Variants in CCDC180 observed in about 807,000 individuals in gnomAD.
CCDC180 encodes coiled-coil domain containing 180, also known as coiled-coil domain-containing protein 180.
CCDC180 carries 154 observed loss-of-function variants against 209.2 expected under a neutral mutation model. The observed-to-expected ratio is 0.74, with a 90% CI of 0.65 to 0.84. CCDC180 has a LOEUF of 0.84. Among genes scored for constraint, CCDC180 ranks in the 40% least tolerant of loss-of-function variants. The pLI is 0.00. For synonymous variants in CCDC180, 778 were observed against 749.1 expected (o/e 1.04, Z -0.63); for missense variants, 1,874 against 1,997.3 (o/e 0.94, Z 1.18).
At chr9:97,333,623 T>G (rs576765480) in intron 18 of CCDC180, among the ~76,000 whole-genome samples, 1 of 151,364 alleles carries the variant, frequency 6.6e-6, no homozygotes, top group East Asian at 1.9e-4. Flanking sequence ...TTGGGAGGTA[T>G]ATGTGTTCAT....
At chr9:97,346,341 G>A (rs1826261181) in intron 19 of CCDC180, among the ~76,000 whole-genome samples, 1 of 152,132 alleles carries the variant, frequency 6.6e-6, no homozygotes, top group Non-Finnish European at 1.5e-5. Flanking sequence ...GACATCTGCT[G>A]CGATGTTGTT....
chr9:97,312,207 C>G lies in CCDC180; in HGVS notation c.349+6C>G. On this transcript the variant is annotated splice_donor_region_variant and intron_variant, in intron 4 of 36. Transcript: ENST00000529487. Reference sequence around the variant, plus strand: ...GGGTCTCATGGATACTATAGGTGAGCCTCCATTCAGCCTCAAGGCAGGCCT... The same window carrying G: ...GGGTCTCATGGATACTATAGGTGAGGCTCCATTCAGCCTCAAGGCAGGCCT... 2 of 1,612,594 alleles carry G rather than the reference C, an allele frequency of 1.2e-6. No individual in the cohort carries two copies. Among genetic ancestry groups the G allele is most frequent in the Non-Finnish European group, 1.7e-6 (2 of 1,178,782 alleles).
chr9:97,307,951 T>C, intron 1 of CCDC180, 32 bp from the exon 2 acceptor site: 1 of 1,581,860 alleles, frequency 6.3e-7, no homozygotes, highest in Non-Finnish European at 8.6e-7. Flanking sequence ...GACCTGAACC[T>C]GAGTTTGGGA....
chr9:97,307,362 G>C, upstream of CCDC180: 1 of 497,518 alleles, frequency 2.0e-6, no homozygotes, highest in South Asian at 1.5e-5. Context: ...GGCCCTGGCT[G>C]CCTTGAGAGG....
Position 97,314,403 on chromosome 9 carries a change from C to A in CCDC180, c.470C>A (p.Pro157His), listed in dbSNP as rs760247803. ...EIAQVGKEME[P>H]LIVDTGGLFL... ...CCTGGCCTGTTGCAGGAAATGGAAC[C>A]TCTCATCGTGGACACAGGGGGACTT... The change falls in exon 6 of 37, where the codon CCT becomes CAT. Residue 157 changes from proline to histidine, a missense_variant. Pro to His is a moderately conservative substitution (Grantham distance 77). Coordinates refer to ENST00000529487, the MANE Select transcript of CCDC180 (RefSeq NM_020893.6). 6.2e-7 allele frequency: 1 copy of A among 1,614,162 alleles called. No homozygotes were observed. Among genetic ancestry groups the A allele is most frequent in the Non-Finnish European group, 8.5e-7 (1 of 1,180,032 alleles).
chr9:97,312,207 C>T lies in CCDC180; in HGVS notation c.349+6C>T. 1 of 1,612,594 alleles carries T rather than the reference C, an allele frequency of 6.2e-7. No homozygotes were observed. The highest frequency in any genetic ancestry group is 8.5e-7 in the Non-Finnish European group (1 of 1,178,782). On this transcript the variant is annotated splice_donor_region_variant and intron_variant, in intron 4 of 36. Transcript: ENST00000529487. ...GGGTCTCATGGATACTATAGGTGAGCCTCCATTCAGCCTCAAGGCAGGCCT... is the reference window on the plus strand; with the variant it reads ...GGGTCTCATGGATACTATAGGTGAGTCTCCATTCAGCCTCAAGGCAGGCCT...
chr9:97,315,616 CTG>C (rs1231642514), intron 8 of CCDC180, among the ~76,000 whole-genome samples: 1 of 152,350 alleles, frequency 6.6e-6, no homozygotes, highest in East Asian at 1.9e-4. Flanking sequence ...CAAAGGCACA[CTG>C]TGGGTTTCCT....
chr9:97,358,036 AAGGAGAAC>A (rs2118852455), intron 25 of CCDC180: 1 of 241,234 alleles, frequency 4.1e-6, no homozygotes, highest in East Asian at 8.7e-5. Context: ...CCCTTGCTGT[AAGGAGAAC>A]TCAGTCCTAG....
chr9:97,356,849 T>C (rs1826599476), intron 24 of CCDC180, among the ~76,000 whole-genome samples: 1 of 152,242 alleles, frequency 6.6e-6, no homozygotes, highest in Non-Finnish European at 1.5e-5. Context: ...TTCTGCCACA[T>C]AGCATAACCC....
chr9:97,356,950 A>G (rs1161374364), intron 24 of CCDC180, among the ~76,000 whole-genome samples: 1 of 152,248 alleles, frequency 6.6e-6, no homozygotes, highest in African/African-American at 2.4e-5. Context: ...TATTTATACC[A>G]GTTTTATAAG....
rs761373071 is a variant in CCDC180, at chr9:97,364,116, C to T, written c.3968C>T (p.Pro1323Leu). 69 of 1,613,954 alleles carry T rather than the reference C, an allele frequency of 4.3e-5. No individual in the cohort carries two copies. The highest frequency in any genetic ancestry group is 5.8e-5 in the Non-Finnish European group (68 of 1,180,006). Reference sequence around the variant, plus strand: ...TACCGGGTGCTTGGGGACAAGCCTCCCCCTGCTGCCGAGTGAGTAACAACG... The same window carrying T: ...TACCGGGTGCTTGGGGACAAGCCTCTCCCTGCTGCCGAGTGAGTAACAACG... ...RKYRVLGDKPPPAAEDFKGII... is the reference protein window; with the variant it reads ...RKYRVLGDKPLPAAEDFKGII... The change falls in exon 29 of 37, where the codon CCC (proline) becomes CTC (leucine). Residue 1323 changes from proline to leucine, a missense_variant. Physicochemically the swap from Pro to Leu is moderately conservative, Grantham distance 98. Transcript: ENST00000529487.
At chr9:97,321,346 T>C (rs1833352376) in intron 11 of CCDC180, among the ~76,000 whole-genome samples, 1 of 152,220 alleles carries the variant, frequency 6.6e-6, no homozygotes, top group African/African-American at 2.4e-5. Context: ...AAAAAGTTTT[T>C]CATCTCCTTA....
Position 97,347,236 on chromosome 9 carries a change from C to T in CCDC180, c.2499-78C>T, listed in dbSNP as rs2401383. On this transcript the variant is annotated intron_variant, in intron 19 of 36. Transcript: ENST00000529487. Reference sequence around the variant, plus strand: ...GAAGAATGAGTGAAAGGGGGAAGCACTTTGGGTCTCCATATGGAAAGACCT... The same window carrying T: ...GAAGAATGAGTGAAAGGGGGAAGCATTTTGGGTCTCCATATGGAAAGACCT... 0.028 allele frequency: 38,769 copies of T among 1,405,184 alleles called. 5,117 individuals carry two copies. The African/African-American group carries it at 0.35, about 13-fold the overall frequency. 87.0% of individuals were successfully genotyped at this position (1,405,184 alleles called of 1,614,324 possible).
rs1407742165 is a variant in CCDC180 at position 97,347,459 on chromosome 9, A to G, written c.2644A>G (p.Ile882Val). 1.3e-6 allele frequency: 2 copies of G among 1,536,046 alleles called. No homozygotes were observed. The highest frequency in any genetic ancestry group is 1.7e-6 in the Non-Finnish European group (2 of 1,146,920). ...LHLHQPRAQQIEKDIHNVRAA... is the reference protein window; with the variant it reads ...LHLHQPRAQQVEKDIHNVRAA... ...CCTGCACCAGCCAAGAGCCCAGCAG[A>G]TTGAAAAAGACATCCACAACGTCAG... The change falls in exon 20 of 37, where the codon ATT becomes GTT. Residue 882 changes from isoleucine (I) to valine (V), a missense_variant. Ile to Val is a conservative substitution (Grantham distance 29, BLOSUM62 3). Coordinates refer to ENST00000529487, the MANE Select transcript of CCDC180 (RefSeq NM_020893.6).
At chr9:97,370,811 A>C (rs2306092) in intron 33 of CCDC180, 33 bp downstream of exon 33, 1 of 1,608,944 alleles carries the variant, frequency 6.2e-7, no homozygotes, top group Non-Finnish European at 8.5e-7. Flanking sequence ...CAGTCCAGGC[A>C]TGCTCCAAAT....
At position 97,330,508 on chromosome 9, in the gene CCDC180, A is replaced by C; in HGVS notation, c.2015A>C (p.Gln672Pro). Residue 672 changes from glutamine to proline, a missense_variant, in exon 18 of 37, where the codon CAG becomes CCG. Coordinates refer to ENST00000529487, the MANE Select transcript of CCDC180 (RefSeq NM_020893.6). The stretch of plus-strand genomic sequence containing the variant: ...TTCATAACTGAAGAGGTGCTGGGGC[A>C]GCAGAAAAAATCTCCACTGCATGCT... ...ESFITEEVLG[Q>P]QKKSPLHAKM... 6.2e-7 allele frequency: 1 copy of C among 1,614,190 alleles called. No homozygotes were observed. The highest frequency in any genetic ancestry group is 8.5e-7 in the Non-Finnish European group (1 of 1,180,040).
At chr9:97,368,100 G>A (rs1826977638) in intron 31 of CCDC180, among the ~76,000 whole-genome samples, 1 of 152,206 alleles carries the variant, frequency 6.6e-6, no homozygotes, top group African/African-American at 2.4e-5. Context: ...GAAGACTTCT[G>A]TTTCCTGCAG....
At chr9:97,311,491 A>G (rs1832986226) in intron 3 of CCDC180, among the ~76,000 whole-genome samples, 1 of 152,166 alleles carries the variant, frequency 6.6e-6, no homozygotes, top group Non-Finnish European at 1.5e-5. Context: ...TGGACAGGGC[A>G]TTCACAGATG....
chr9:97,325,459 T>C (rs1014768451), intron 14 of CCDC180, among the ~76,000 whole-genome samples: 5 of 152,062 alleles, frequency 3.3e-5, no homozygotes, highest in African/African-American at 1.2e-4. Context: ...TTATTGCCAT[T>C]GAAAGAGAAT....
Sources: gnomAD v4.1 joint callset for allele counts (sites outside exome capture counted in the v4.1 genomes callset) on GRCh38, gnomAD v4.1.1 for gene constraint, MANE v1.5 for transcripts, NCBI Gene and HGNC (gene_info 2026-07-23, HGNC 2026-07-21) for gene names.